SOD2: variants seen among roughly 807,000 people sequenced by gnomAD.
SOD2 encodes the protein superoxide dismutase [Mn], mitochondrial.
A neutral mutation model predicts 27.0 loss-of-function variants in SOD2; 11 were observed. That is an observed-to-expected ratio of 0.41 (90% CI 0.26 to 0.67). SOD2 has a LOEUF of 0.67. Ranked by LOEUF, SOD2 falls within the 30% of genes least tolerant of loss-of-function variation. The pLI is 0.34. For synonymous variants in SOD2, 105 were observed against 103.0 expected (o/e 1.02, Z -0.12); for missense variants, 250 against 274.5 (o/e 0.91, Z 0.63).
chr6:159,715,275 G>T (rs1777905012), intron 1 of SOD2, among the ~76,000 whole-genome samples: 1 of 152,026 alleles, frequency 6.6e-6, no homozygotes, highest in African/African-American at 2.4e-5. Flanking sequence ...GTGGGATAGA[G>T]AAAACTATTT....
exon 1 of SOD2, chr6:159,762,026 G>A (rs1353827784): frequency 6.3e-7 from 1 of 1,591,600 alleles, no homozygotes; most frequent in South Asian, 1.1e-5. Flanking sequence ...CCTGTGGGCT[G>A]CGAGGAGGAG....
chr6:159,733,492 C>A (rs930658575), intron 1 of SOD2, among the ~76,000 whole-genome samples: 2 of 152,002 alleles, frequency 1.3e-5, no homozygotes, highest in African/African-American at 4.8e-5. Context: ...TGTGGTGGCA[C>A]ATGCCTGTAG....
chr6:159,692,665 GGCC>G lies in SOD2; in HGVS notation c.219_221del (p.Leu73_Ala74delinsPhe). The G allele has an allele frequency of 3.7e-6, 6 of 1,613,760 alleles. No homozygotes were observed. Among genetic ancestry groups the G allele is most frequent in the Non-Finnish European group, 5.1e-6 (6 of 1,179,890 alleles). Reference sequence around the variant, plus strand: ...GCCGCTCAGCCTGGAACCTACCCTTGGCCAACGCCTCCTGGTACTTCTCCTCGG... The same window carrying G: ...GCCGCTCAGCCTGGAACCTACCCTTGAACGCCTCCTGGTACTTCTCCTCGG... On this transcript the variant is annotated inframe_deletion, in exon 2 of 5. Coordinates refer to ENST00000538183, the MANE Select transcript of SOD2 (RefSeq NM_000636.4).
At chr6:159,739,346 A>G (rs1779104467) in intron 1 of SOD2, among the ~76,000 whole-genome samples, 1 of 152,354 alleles carries the variant, frequency 6.6e-6, no homozygotes, top group Non-Finnish European at 1.5e-5. Flanking sequence ...ACTTATATTT[A>G]TGGAAGAAAT....
chr6:159,762,034 G>T (rs770905955), exon 1 of SOD2: 1 of 1,601,112 alleles, frequency 6.2e-7, no homozygotes, highest in Admixed American at 1.7e-5. Flanking sequence ...CTGCGAGGAG[G>T]AGCTTTGCCT....
chr6:159,752,227 A>G (rs572425920), intron 1 of SOD2, among the ~76,000 whole-genome samples: 3 of 152,254 alleles, frequency 2.0e-5, no homozygotes, highest in Non-Finnish European at 4.4e-5. Flanking sequence ...AATTTAAAAA[A>G]TGTTTTAACC....
In SOD2 at chr6:159,675,648, G is replaced by C. The variant is rs564138649; in HGVS notation, c.*6845C>G. The C allele has an allele frequency of 6.6e-6, 1 of 152,238 alleles. No individual in the cohort carries two copies. Among genetic ancestry groups the C allele is most frequent in the East Asian group, 1.9e-4 (1 of 5,182 alleles). 9.4% of individuals were successfully genotyped at this position (152,238 alleles called of 1,614,324 possible). Reference sequence around the variant, plus strand: ...TAGACCTAAAACCATAAAAACCCTAGAAGAAAACCTATGCAGTACCATTCA... The same window carrying C: ...TAGACCTAAAACCATAAAAACCCTACAAGAAAACCTATGCAGTACCATTCA... On this transcript the variant is annotated 3_prime_UTR_variant, in exon 5 of 5. Transcript: ENST00000538183.
At position 159,672,898 on chromosome 6, in the gene SOD2, G is replaced by C. The variant is rs1779699613; in HGVS notation, c.*9595C>G. On this transcript the variant is annotated 3_prime_UTR_variant, in exon 5 of 5. Transcript: ENST00000538183. ...ATAGGCTCAAAATAAAAGGATGGAG[G>C]AAGATCTACCAAGCAAACGGAAAAC... 1 of 151,488 alleles carries C rather than the reference G, an allele frequency of 6.6e-6. No individual in the cohort carries two copies. 9.4% of individuals were successfully genotyped at this position (151,488 alleles called of 1,614,324 possible).
upstream of SOD2, chr6:159,748,812 A>C (rs1779712874): frequency 8.1e-7 from 1 of 1,231,564 alleles, no homozygotes; most frequent in Admixed American, 4.1e-5. The surrounding 1 kb of genome is among the most constrained non-coding windows in gnomAD (Gnocchi z 5.6). Context: ...AAAATGTAAA[A>C]ACGGAATATG....
At chr6:159,746,661 T>C (rs1298530717), upstream of SOD2, among the ~76,000 whole-genome samples, 1 of 152,242 alleles carries the variant, frequency 6.6e-6, no homozygotes, top group Non-Finnish European at 1.5e-5. Flanking sequence ...TACTGTATTC[T>C]TAACTATATT....
intron 1 of SOD2, among the ~76,000 whole-genome samples, chr6:159,734,544 C>T (rs559164364): frequency 9.2e-5 from 14 of 152,216 alleles, no homozygotes; most frequent in Admixed American, 9.2e-4. Context: ...GGGCGTGATC[C>T]TTCCACAGGT....
rs372335332 is a variant in SOD2 at position 159,684,910 on chromosome 6, C to T, written c.467G>A (p.Arg156Gln). ...GWGWLGFNKE[R>Q]GHLQIAACPN... ...ACAAGCAGCAATTTGTAAGTGTCCCCGTTCCTTATTGAAACCAAGCCAACC... is the reference window on the plus strand; with the variant it reads ...ACAAGCAGCAATTTGTAAGTGTCCCTGTTCCTTATTGAAACCAAGCCAACC... Residue 156 changes from arginine (R) to glutamine (Q), a missense_variant, in exon 4 of 5, where the codon CGG becomes CAG. By Grantham distance (43) the Arg-to-Gln change is conservative. Transcript: ENST00000538183. 50 of 1,613,444 alleles carry T rather than the reference C, an allele frequency of 3.1e-5. No homozygotes were observed. Among genetic ancestry groups the T allele is most frequent in the Non-Finnish European group, 3.9e-5 (46 of 1,179,722 alleles).
chr6:159,744,534 G>T (rs1199469127), intron 1 of SOD2, among the ~76,000 whole-genome samples: 1 of 148,072 alleles, frequency 6.8e-6, no homozygotes, highest in African/African-American at 2.5e-5. Flanking sequence ...GTCCTGTTCT[G>T]TTTCTTTTGC....
intron 1 of SOD2, among the ~76,000 whole-genome samples, chr6:159,710,026 C>G (rs1296652335): frequency 6.9e-6 from 1 of 145,768 alleles, no homozygotes; most frequent in Non-Finnish European, 1.5e-5. Flanking sequence ...GACAAAAAAC[C>G]AAACACCACA....
At chr6:159,717,545 C>T (rs539880708) in intron 1 of SOD2, among the ~76,000 whole-genome samples, 190 of 152,248 alleles carry the variant, frequency 1.2e-3, no homozygotes, top group African/African-American at 4.4e-3. Context: ...ATTCAAATAT[C>T]TATTATTTCT....
In SOD2 at chr6:159,700,891, C is replaced by G. The variant is rs571978749; in HGVS notation, c.-115-8028G>C. On this transcript the variant is annotated intron_variant, in intron 1 of 2. Coordinates refer to the SOD2 transcript ENST00000401980. The stretch of plus-strand genomic sequence containing the variant: ...TCATTTAGGTTCAGTCTAAGCTTTC[C>G]AAATCAAGCAGAGACCTAATTTTCT... Among the ~76,000 whole-genome samples, 315 of 152,122 alleles carry G rather than the reference C, an allele frequency of 2.1e-3. 2 individuals are homozygous for G. Among genetic ancestry groups the G allele is most frequent in the Non-Finnish European group, 2.6e-3 (179 of 68,008 alleles).
At chr6:159,738,669 T>C (rs1407267496) in intron 1 of SOD2, among the ~76,000 whole-genome samples, 1 of 152,200 alleles carries the variant, frequency 6.6e-6, no homozygotes, top group African/African-American at 2.4e-5. Flanking sequence ...TATTCTCACC[T>C]GCAGTGTAGG....
At chr6:159,692,186 CCTGCGGACCCGATGATGT>C (rs1777231834) in intron 2 of SOD2, 2 of 287,960 alleles carry the variant, frequency 6.9e-6, no homozygotes, top group Non-Finnish European at 1.3e-5. Flanking sequence ...CTCAGAGACA[CCTGCGGACCCGATGATGT>C]CTGGCCACCA....
At chr6:159,748,545 A>C (rs1779703785), upstream of SOD2, 1 of 1,360,850 alleles carries the variant, frequency 7.3e-7, no homozygotes, top group East Asian at 2.7e-5. This position sits in a 1 kb window ranked among gnomAD's most constrained non-coding sequence, Gnocchi z 5.6. Flanking sequence ...TACCAGATGA[A>C]CCTTGTGTTT....
Sources: gnomAD v4.1 joint callset for allele counts (sites outside exome capture counted in the v4.1 genomes callset) on GRCh38, gnomAD v4.1.1 for gene constraint, Gnocchi (gnomAD v3.1) non-coding constraint, MANE v1.5 for transcripts, NCBI Gene and HGNC (gene_info 2026-07-23, HGNC 2026-07-21) for gene names.